SRD5A1: variants seen among roughly 807,000 people sequenced by gnomAD.
SRD5A1 encodes the protein steroid 5 alpha-reductase 1, also known as 3-oxo-5-alpha-steroid 4-dehydrogenase 1.
SRD5A1 carries 22 observed loss-of-function variants against 28.2 expected under a neutral mutation model. That is an observed-to-expected ratio of 0.78 (90% CI 0.56 to 1.12). SRD5A1 has a LOEUF of 1.12. Among genes scored for constraint, SRD5A1 ranks in the 50% most tolerant of loss-of-function variants. The pLI is 0.00. For missense variants in SRD5A1, 300 were observed against 346.7 expected, an observed-to-expected ratio of 0.87 and a Z score of 1.07; for synonymous variants, 151 against 135.0, an observed-to-expected ratio of 1.12 and a Z score of -0.82.
chr5:6,653,590 C>T (rs1561000410), intron 2 of SRD5A1: 1 of 152,180 alleles, frequency 6.6e-6, no homozygotes, highest in Non-Finnish European at 1.5e-5. Context: ...CAGTGAATGG[C>T]AGAGCGGTGA....
Position 6,633,772 on chromosome 5 carries a change from C to T in SRD5A1, c.196C>T (p.Leu66=). ...GGTGCAGGAGCTGCCCTCGCTGGCC[C>T]TGCCGCTCTACCAGTACGCCAGCGA... ...WVVQELPSLA[L]PLYQYASESA... The change falls in exon 1 of 5, where the codon CTG becomes TTG. Residue 66 remains leucine (L), a synonymous_variant. Transcript: ENST00000274192. 6.3e-7 allele frequency: 1 copy of T among 1,597,652 alleles called. No individual in the cohort carries two copies. Among genetic ancestry groups the T allele is most frequent in the East Asian group, 2.2e-5 (1 of 44,824 alleles).
intron 1 of SRD5A1, among the ~76,000 whole-genome samples, chr5:6,650,500 T>C (rs879057043): frequency 1.3e-5 from 2 of 152,214 alleles, no homozygotes; most frequent in Admixed American, 6.5e-5. Flanking sequence ...TATACACTTA[T>C]ATTAAAAAGA....
At position 6,634,352 on chromosome 5, in the gene SRD5A1, G is replaced by A. The variant is rs576486956; in HGVS notation, c.293+483G>A. 3.4e-4 allele frequency among the ~76,000 whole-genome samples: 47 copies of A among 138,616 alleles called. No homozygotes were observed. In the East Asian group the frequency reaches 4.8e-3, roughly 14 times the overall value. The allele number at this position is 138,616 out of a possible 152,430, so 90.9% of individuals were successfully genotyped here. On this transcript the variant is annotated intron_variant, in intron 1 of 4. Transcript: ENST00000274192. ...AAAATTAAATATATAAAAATAAAGA[G>A]TTAAAAAGTAAAAATGTAAAATAAA...
chr5:6,661,530 C>CTTTTT (rs11402128), intron 3 of SRD5A1, among the ~76,000 whole-genome samples: 7 of 118,270 alleles, frequency 5.9e-5, no homozygotes, highest in East Asian at 2.4e-4. Context: ...ATAGGTTTGT[C>CTTTTT]TTTTTTTTTT....
At chr5:6,665,855 CTT>C (rs1739154395) in intron 4 of SRD5A1, among the ~76,000 whole-genome samples, 1 of 152,174 alleles carries the variant, frequency 6.6e-6, no homozygotes, top group African/African-American at 2.4e-5. Flanking sequence ...AAATGAAAGT[CTT>C]TGCTAATGAA....
In SRD5A1 at chr5:6,633,666, C is replaced by G. The variant is rs248793; in HGVS notation, c.90C>G (p.Arg30=). ...QCAVGCAVFA[R]NRQTNSVYGR... ...CCGTGGGCTGCGCGGTCTTCGCGCG[C>G]AATCGTCAGACGAACTCAGTGTACG... Residue 30 remains arginine (R), a synonymous_variant, in exon 1 of 5, where the codon CGC becomes CGG. Coordinates refer to ENST00000274192, the MANE Select transcript of SRD5A1 (RefSeq NM_001047.4). 866,844 of 1,579,142 alleles carry G rather than the reference C, an allele frequency of 0.55. 239,443 individuals are homozygous for G. The highest frequency in any genetic ancestry group is 0.65 in the African/African-American group (48,169 of 74,390).
intron 1 of SRD5A1, among the ~76,000 whole-genome samples, chr5:6,640,480 T>C (rs1199717639): frequency 3.9e-5 from 6 of 152,138 alleles, no homozygotes; most frequent in Admixed American, 1.3e-4. Flanking sequence ...ACACCAAGGT[T>C]TGCAGTTTTC....
In SRD5A1 at chr5:6,633,797, A is replaced by G. The variant is rs768919758; in HGVS notation, c.221A>G (p.Glu74Gly). The G allele has an allele frequency of 9.8e-5, 157 of 1,597,692 alleles. No homozygotes were observed. Among genetic ancestry groups the G allele is most frequent in the Non-Finnish European group, 1.2e-4 (147 of 1,179,634 alleles). ...CTGCCGCTCTACCAGTACGCCAGCG[A>G]GTCCGCCCCGCGTCTCCGCAGCGCG... ...LALPLYQYAS[E>G]SAPRLRSAPN... The change falls in exon 1 of 5, where the codon GAG (glutamate) becomes GGG (glycine). Residue 74 changes from glutamate to glycine, a missense_variant. By Grantham distance (98) the Glu-to-Gly change is moderately conservative (BLOSUM62 -2). Coordinates refer to ENST00000274192, the MANE Select transcript of SRD5A1 (RefSeq NM_001047.4).
chr5:6,649,722 C>T (rs533324918), intron 1 of SRD5A1, among the ~76,000 whole-genome samples: 24 of 152,190 alleles, frequency 1.6e-4, no homozygotes, highest in Non-Finnish European at 2.8e-4. Flanking sequence ...CTGGGTGAGG[C>T]GATGCCCCAC....
At chr5:6,657,549 G>T (rs1004617287) in intron 3 of SRD5A1, among the ~76,000 whole-genome samples, 1 of 152,230 alleles carries the variant, frequency 6.6e-6, no homozygotes, top group African/African-American at 2.4e-5. Context: ...GAAGGAGAGG[G>T]CCCTGTCCTG....
At chr5:6,651,714 A>G (rs1303495734) in intron 1 of SRD5A1, 128 bp from the exon 2 acceptor site, 1 of 879,242 alleles carries the variant, frequency 1.1e-6, no homozygotes. Context: ...ATAAATTAGT[A>G]TAAATGTTAC....
At position 6,673,293 on chromosome 5, in the gene SRD5A1, T is replaced by C. The variant is rs1407904236; in HGVS notation, c.*5025T>C. On this transcript the variant is annotated 3_prime_UTR_variant, in exon 5 of 5. Transcript: ENST00000274192. Reference sequence around the variant, plus strand: ...ATCAGAAATAGCTCCATCAGGCCCATGAAGGAAAGGGAAACAAAACTGAGT... The same window carrying C: ...ATCAGAAATAGCTCCATCAGGCCCACGAAGGAAAGGGAAACAAAACTGAGT... 6.6e-6 allele frequency: 1 copy of C among 152,120 alleles called. No individual in the cohort carries two copies. The highest frequency in any genetic ancestry group is 2.4e-5 in the African/African-American group (1 of 41,402). The allele number at this position is 152,120 out of a possible 1,614,324, so 9.4% of individuals were successfully genotyped here.
At chr5:6,644,673 T>C (rs1342835682) in intron 1 of SRD5A1, 1 of 362,532 alleles carries the variant, frequency 2.8e-6, no homozygotes, top group Non-Finnish European at 5.4e-6. Flanking sequence ...CCTCCTGTTC[T>C]GGTTGACAAA....
rs1229506428 is a variant in SRD5A1 at position 6,673,979 on chromosome 5, CAA to C, written c.*5713_*5714del. On this transcript the variant is annotated 3_prime_UTR_variant, in exon 5 of 5. Transcript: ENST00000274192. ...GAGGGATGAACAGGCAGAATACAAA[CAA>C]ATTTTAGGGCAGTGAAACTATTATT... 1 of 151,918 alleles carries C rather than the reference CAA, an allele frequency of 6.6e-6. No homozygotes were observed. The highest frequency in any genetic ancestry group is 2.4e-5 in the African/African-American group (1 of 41,358). 9.4% of individuals were successfully genotyped at this position (151,918 alleles called of 1,614,324 possible). A position where few individuals can be genotyped will look rare whatever the true frequency, so the allele number is the denominator to read the frequency against.
At chr5:6,644,857 G>C in intron 1 of SRD5A1, 1 of 456,004 alleles carries the variant, frequency 2.2e-6, no homozygotes, top group Non-Finnish European at 4.4e-6. Flanking sequence ...CCAAATGCCA[G>C]CCCATGGTAC....
At position 6,667,310 on chromosome 5, in the gene SRD5A1, A is replaced by AT. The variant is rs989233424; in HGVS notation, c.714-891dup. Among the ~76,000 whole-genome samples the AT allele has an allele frequency of 5.3e-4, 81 of 152,364 alleles. 1 individual carries two copies. Among genetic ancestry groups the AT allele is most frequent in the African/African-American group, 1.9e-3 (77 of 41,590 alleles). On this transcript the variant is annotated intron_variant, in intron 4 of 4. Coordinates refer to ENST00000274192, the MANE Select transcript of SRD5A1 (RefSeq NM_001047.4). ...ACATGCCTTTTTGGGGACACAGAAC[A>AT]TACAAAAGTAAACGTGGCCGCCCAG... is the stretch of plus-strand genomic sequence containing the variant.
chr5:6,634,534 G>C (rs1560991099), intron 1 of SRD5A1, among the ~76,000 whole-genome samples: 1 of 152,042 alleles, frequency 6.6e-6, no homozygotes, highest in Non-Finnish European at 1.5e-5. Context: ...TGGTGGAGCT[G>C]TTTTCTCCCA....
At chr5:6,639,609 T>G (rs1398281448) in intron 1 of SRD5A1, among the ~76,000 whole-genome samples, 2 of 152,246 alleles carry the variant, frequency 1.3e-5, no homozygotes, top group African/African-American at 2.4e-5. Context: ...GGGCACTTTC[T>G]TTTTCCTTAG....
At chr5:6,662,148 C>T (rs1355115281) in intron 3 of SRD5A1, among the ~76,000 whole-genome samples, 1 of 152,232 alleles carries the variant, frequency 6.6e-6, no homozygotes, top group Non-Finnish European at 1.5e-5. Flanking sequence ...CAGCACCTGC[C>T]AGGCTGGCCC....
Sources: allele counts gnomAD v4.1 joint callset (sites outside exome capture counted in the v4.1 genomes callset), GRCh38; gene constraint gnomAD v4.1.1; transcripts MANE v1.5; gene names NCBI Gene and HGNC (gene_info 2026-07-23, HGNC 2026-07-21).